NRDE2: variants seen among roughly 807,000 people sequenced by gnomAD.
NRDE2 encodes nuclear exosome regulator NRDE2.
NRDE2 carries 76 observed loss-of-function variants against 124.2 expected under a neutral mutation model. The observed-to-expected ratio is 0.61, with a 90% confidence interval of 0.51 to 0.74. The LOEUF (loss-of-function observed/expected upper bound fraction) is 0.74, where lower values mean the gene tolerates loss of function less well. Ranked by LOEUF, NRDE2 falls within the 30% of genes least tolerant of loss-of-function variation. The probability of loss-of-function intolerance (pLI) is 0.00; values close to 1 mark genes in which losing one functional copy is unlikely to be tolerated. For synonymous variants in NRDE2, 489 were observed against 528.1 expected, an observed-to-expected ratio of 0.93 and a Z score of 1.01; for missense variants, 1,314 against 1,417.3, an observed-to-expected ratio of 0.93 and a Z score of 1.17.
chr14:90,290,178 A>C, intron 10 of NRDE2, 43 bp downstream of exon 10: 3 of 1,588,908 alleles, frequency 1.9e-6, no homozygotes, highest in Non-Finnish European at 2.6e-6. Flanking sequence ...CACTGACATG[A>C]AATGAAAAGT....
chr14:90,323,741 A>G (rs1359206718), intron 1 of NRDE2, among the ~76,000 whole-genome samples: 1 of 152,216 alleles, frequency 6.6e-6, no homozygotes, highest in Admixed American at 6.5e-5. Flanking sequence ...TTCCAAAGGT[A>G]TTATATAAAG....
intron 4 of NRDE2, among the ~76,000 whole-genome samples, chr14:90,305,051 T>C (rs1397534970): frequency 6.6e-6 from 1 of 152,190 alleles, no homozygotes; most frequent in East Asian, 1.9e-4. Context: ...AGGAAAATTG[T>C]ACATTTTTCT....
intron 5 of NRDE2, 104 bp downstream of exon 5, chr14:90,303,831 T>C: frequency 1.0e-6 from 1 of 979,322 alleles, no homozygotes; most frequent in East Asian, 2.4e-5. Flanking sequence ...GTATGCCCAG[T>C]GTCAAATTTC....
chr14:90,301,644 T>A, intron 6 of NRDE2: 1 of 444,306 alleles, frequency 2.3e-6, no homozygotes, highest in Non-Finnish European at 4.3e-6. Flanking sequence ...AGTCAAGAGG[T>A]TGGTCTGAAT....
rs1891849350 is a variant in NRDE2, at chr14:90,278,206, A to G, written c.*130T>C. On this transcript the variant is annotated 3_prime_UTR_variant, in exon 14 of 14. Coordinates refer to ENST00000354366, the MANE Select transcript of NRDE2 (RefSeq NM_017970.4). Reference sequence around the variant, plus strand: ...AAGATGTGAGAGGCTGGCAGCCCACATTATTACTATCGAGAAAGAACATTT... The same window carrying G: ...AAGATGTGAGAGGCTGGCAGCCCACGTTATTACTATCGAGAAAGAACATTT... The G allele has an allele frequency of 2.7e-6, 3 of 1,114,770 alleles. No homozygotes were observed. Among genetic ancestry groups the G allele is most frequent in the Non-Finnish European group, 3.9e-6 (3 of 774,764 alleles). 69.1% of individuals were successfully genotyped at this position (1,114,770 alleles called of 1,614,324 possible).
chr14:90,274,943 C>T lies in NRDE2; in HGVS notation c.*3393G>A, dbSNP rs1339193334. The T allele has an allele frequency of 6.6e-6, 1 of 152,168 alleles. No individual in the cohort carries two copies. Among genetic ancestry groups the T allele is most frequent in the African/African-American group, 2.4e-5 (1 of 41,390 alleles). 9.4% of individuals were successfully genotyped at this position (152,168 alleles called of 1,614,324 possible). ...GTTCAGTTAGAAAGGGAAAGTCACA[C>T]TGGAGATGCCCAGCAGACACCGTCT... On this transcript the variant is annotated 3_prime_UTR_variant, in exon 14 of 14. Coordinates refer to ENST00000354366, the MANE Select transcript of NRDE2 (RefSeq NM_017970.4).
Position 90,278,192 on chromosome 14 carries a change from G to A in NRDE2, c.*144C>T. ...CCCAAAAAGTGTGCAAGATGTGAGA[G>A]GCTGGCAGCCCACATTATTACTATC... is the stretch of plus-strand genomic sequence containing the variant. On this transcript the variant is annotated 3_prime_UTR_variant, in exon 14 of 14. Coordinates refer to ENST00000354366, the MANE Select transcript of NRDE2 (RefSeq NM_017970.4). 1 of 909,474 alleles carries A rather than the reference G, an allele frequency of 1.1e-6. No homozygotes were observed. Among genetic ancestry groups the A allele is most frequent in the Non-Finnish European group, 1.7e-6 (1 of 602,634 alleles). 56.3% of individuals were successfully genotyped at this position (909,474 alleles called of 1,614,324 possible).
chr14:90,326,481 A>G (rs1266910210), intron 1 of NRDE2, among the ~76,000 whole-genome samples: 3 of 148,808 alleles, frequency 2.0e-5, no homozygotes, highest in Non-Finnish European at 3.0e-5. Flanking sequence ...GGCCTGGGCG[A>G]CAGAGCGAGA....
chr14:90,282,836 T>G (rs1311115118), intron 12 of NRDE2, among the ~76,000 whole-genome samples: 2 of 152,092 alleles, frequency 1.3e-5, no homozygotes, highest in Non-Finnish European at 2.9e-5. Flanking sequence ...CCCGGCTAAT[T>G]TTGTATTTTT....
rs1200528323 is a variant in NRDE2, at chr14:90,273,738, A to C, written c.*4598T>G. The C allele has an allele frequency of 9.1e-5, 14 of 154,358 alleles. No individual in the cohort carries two copies. Among genetic ancestry groups the C allele is most frequent in the African/African-American group, 3.1e-4 (13 of 41,442 alleles). 9.6% of individuals were successfully genotyped at this position (154,358 alleles called of 1,614,324 possible). ...TTGTTGGCAGAATTTAATTTCTTGG[A>C]GTTGTGGGCCAGCTGAGGTCAGCAT... On this transcript the variant is annotated 3_prime_UTR_variant, in exon 14 of 14. Coordinates refer to ENST00000354366, the MANE Select transcript of NRDE2 (RefSeq NM_017970.4).
rs775163643 is a variant in NRDE2, at chr14:90,290,444, T to A, written c.2006A>T (p.Asn669Ile). ...LAMDENSIFD[N>I]GLYDEKPLTF... ...CAAGGGCTTTTCATCATAAAGTCCA[T>A]TATCAAAGATGCTGTTCTCATCCAT... is the stretch of plus-strand genomic sequence containing the variant. The change falls in exon 10 of 14, where the codon AAT (asparagine) becomes ATT (isoleucine). Residue 669 changes from asparagine (N) to isoleucine (I), a missense_variant. Physicochemically the swap from Asn to Ile is moderately radical, Grantham distance 149. Coordinates refer to ENST00000354366, the MANE Select transcript of NRDE2 (RefSeq NM_017970.4). 3 of 1,614,032 alleles carry A rather than the reference T, an allele frequency of 1.9e-6. No homozygotes were observed. The highest frequency in any genetic ancestry group is 2.5e-6 in the Non-Finnish European group (3 of 1,180,020).
intron 12 of NRDE2, among the ~76,000 whole-genome samples, chr14:90,283,559 C>G (rs1340146335): frequency 3.3e-5 from 5 of 152,144 alleles, no homozygotes; most frequent in Admixed American, 1.3e-4. Context: ...AAACCCTGGG[C>G]TCCTGACTCT....
chr14:90,323,740 T>C (rs904935851), intron 1 of NRDE2, among the ~76,000 whole-genome samples: 3 of 152,128 alleles, frequency 2.0e-5, no homozygotes, highest in Non-Finnish European at 4.4e-5. Flanking sequence ...ATTCCAAAGG[T>C]ATTATATAAA....
intron 1 of NRDE2, 68 bp from the exon 2 acceptor site, chr14:90,318,181 C>A: frequency 3.2e-6 from 4 of 1,256,884 alleles, no homozygotes; most frequent in Non-Finnish European, 2.3e-6. Flanking sequence ...GGAGATCTAT[C>A]CATCTTATCA....
chr14:90,320,618 T>C (rs1419404675), intron 1 of NRDE2, among the ~76,000 whole-genome samples: 2 of 152,136 alleles, frequency 1.3e-5, no homozygotes, highest in Non-Finnish European at 2.9e-5. Context: ...CACTGGCTTA[T>C]AGTAAGTGTT....
At chr14:90,292,547 G>A in intron 9 of NRDE2, 150 bp downstream of exon 9, 1 of 774,872 alleles carries the variant, frequency 1.3e-6, no homozygotes, top group East Asian at 2.6e-5. Context: ...AGTTTCCACA[G>A]ATGAGAACAG....
At chr14:90,295,884 T>C (rs975997025) in intron 8 of NRDE2, among the ~76,000 whole-genome samples, 1 of 152,362 alleles carries the variant, frequency 6.6e-6, no homozygotes, top group Non-Finnish European at 1.5e-5. Flanking sequence ...TTCTCCATAA[T>C]GGAAATGTGT....
chr14:90,293,147 C>A lies in NRDE2; in HGVS notation c.1667-275G>T, dbSNP rs552554554. 6.6e-5 allele frequency among the ~76,000 whole-genome samples: 10 copies of A among 152,262 alleles called. No homozygotes were observed. The East Asian group carries it at 1.5e-3, about 23-fold the overall frequency. ...CATACTCTAGAACAGTACTGTCCAA[C>A]AGAACTCGCTGTGATGATGAAAATG... On this transcript the variant is annotated intron_variant, in intron 8 of 13. Transcript: ENST00000354366.
intron 4 of NRDE2, among the ~76,000 whole-genome samples, chr14:90,311,817 T>C (rs890987278): frequency 1.3e-5 from 2 of 152,126 alleles, no homozygotes; most frequent in Non-Finnish European, 1.5e-5. Context: ...TAAGAAAGTT[T>C]ACAAATTTGG....
Sources: gnomAD v4.1 joint callset for allele counts (sites outside exome capture counted in the v4.1 genomes callset) on GRCh38, gnomAD v4.1.1 for gene constraint, MANE v1.5 for transcripts, NCBI Gene and HGNC (gene_info 2026-07-23, HGNC 2026-07-21) for gene names.